The following CAPN5 variants were observed in gnomAD, a reference collection of about 807,000 sequenced individuals.
The protein encoded by CAPN5 is calpain-5.
In CAPN5, 54 loss-of-function variants were observed where a neutral mutation model predicts 73.0. That is an observed-to-expected ratio of 0.74 (90% confidence interval 0.59 to 0.93). The LOEUF is 0.93. Among genes scored for constraint, CAPN5 ranks in the 40% least tolerant of loss-of-function variants. The pLI, the probability that CAPN5 is intolerant of heterozygous loss-of-function variation, is 0.00. For missense variants in CAPN5, 785 were observed against 882.9 expected, an observed-to-expected ratio of 0.89 and a Z score of 1.41; for synonymous variants, 335 against 356.9, an observed-to-expected ratio of 0.94 and a Z score of 0.69.
At chr11:77,116,020 G>A (rs997355529) in intron 6 of CAPN5, among the ~76,000 whole-genome samples, 1 of 152,130 alleles carries the variant, frequency 6.6e-6, no homozygotes, top group South Asian at 2.1e-4. Flanking sequence ...CCCTGTCATG[G>A]TGGCAGCTCA....
At position 77,118,202 on chromosome 11, in the gene CAPN5, G is replaced by A. The variant is rs1950487072; in HGVS notation, c.1017G>A (p.Lys339=). 1.2e-6 allele frequency: 2 copies of A among 1,614,132 alleles called. No homozygotes were observed. The highest frequency in any genetic ancestry group is 2.2e-5 in the East Asian group (1 of 44,880). Residue 339 remains lysine (K), a synonymous_variant, in exon 8 of 13, where the codon AAG becomes AAA. Transcript: ENST00000648180. ...DVCRYFTDII[K]CRVINTSHLS... ...GCCGGTACTTCACGGACATCATCAA[G>A]TGCCGCGTGATCAACACATCCCACC... is the stretch of plus-strand genomic sequence containing the variant.
intron 2 of CAPN5, among the ~76,000 whole-genome samples, chr11:77,093,381 C>T (rs1404155831): frequency 6.6e-6 from 1 of 152,208 alleles, no homozygotes; most frequent in Non-Finnish European, 1.5e-5. Flanking sequence ...AAGGCAGTGC[C>T]CCGGGTCCAG....
chr11:77,120,472 C>CA (rs1950510486), intron 9 of CAPN5: 1 of 442,450 alleles, frequency 2.3e-6, no homozygotes, highest in African/African-American at 2.0e-5. Context: ...AACTGTAGAA[C>CA]ATTTTCATCT....
chr11:77,104,989 C>T (rs185291926), intron 3 of CAPN5, among the ~76,000 whole-genome samples: 4 of 152,148 alleles, frequency 2.6e-5, no homozygotes, highest in East Asian at 1.9e-4. Context: ...GGGCCCATTC[C>T]GGGACAGGCT....
intron 3 of CAPN5, among the ~76,000 whole-genome samples, chr11:77,094,352 A>C (rs1236815456): frequency 3.3e-5 from 5 of 151,360 alleles, no homozygotes; most frequent in African/African-American, 1.2e-4. Flanking sequence ...TGGTCCTGCA[A>C]CCCAACCTCC....
chr11:77,085,959 G>A (rs570144620), intron 2 of CAPN5, among the ~76,000 whole-genome samples: 73 of 152,312 alleles, frequency 4.8e-4, no homozygotes, highest in African/African-American at 9.9e-4. Context: ...TGTGACTCCC[G>A]CAGCCCAGTA....
rs1267747189 is a variant in CAPN5, at chr11:77,114,342, G to A, written c.607G>A (p.Asp203Asn). ...TGAGCCCATCGACCTGACCGAGGGT[G>A]ACTTTGCCAACGATGAGACTAAGAG... Reference protein sequence around the residue: ...VSEPIDLTEGDFANDETKRNQ... With the variant: ...VSEPIDLTEGNFANDETKRNQ... The change falls in exon 5 of 13, where the codon GAC (aspartate) becomes AAC (asparagine). Residue 203 changes from aspartate to asparagine, a missense_variant. By Grantham distance (23) the Asp-to-Asn change is conservative. Coordinates refer to ENST00000648180, the MANE Select transcript of CAPN5 (RefSeq NM_004055.5). 1 of 1,614,202 alleles carries A rather than the reference G, an allele frequency of 6.2e-7. No homozygotes were observed. The highest frequency in any genetic ancestry group is 1.7e-5 in the Admixed American group (1 of 60,026).
At chr11:77,117,465 C>T (rs1452593034) in intron 7 of CAPN5, among the ~76,000 whole-genome samples, 6 of 152,222 alleles carry the variant, frequency 3.9e-5, no homozygotes, top group Non-Finnish European at 7.3e-5. Flanking sequence ...ATGATGAACC[C>T]TTCTGCAGGT....
intron 3 of CAPN5, among the ~76,000 whole-genome samples, chr11:77,105,432 G>A (rs1398578102): frequency 1.3e-5 from 2 of 152,188 alleles, no homozygotes; most frequent in African/African-American, 2.4e-5. Flanking sequence ...CGTGTTGGGT[G>A]TGCAGAGAGC....
At chr11:77,101,428 G>T (rs926202299) in intron 3 of CAPN5, among the ~76,000 whole-genome samples, 1 of 152,180 alleles carries the variant, frequency 6.6e-6, no homozygotes, top group Admixed American at 6.5e-5. Context: ...AAAGCAAAAG[G>T]TTCTGTGAGG....
chr11:77,113,443 G>T (rs1292321814), intron 4 of CAPN5, among the ~76,000 whole-genome samples: 1 of 152,214 alleles, frequency 6.6e-6, no homozygotes, highest in African/African-American at 2.4e-5. Flanking sequence ...CCAGGAGGGA[G>T]GAGGGAGGAG....
At chr11:77,082,473 A>G (rs1950037367) in intron 1 of CAPN5, among the ~76,000 whole-genome samples, 1 of 152,232 alleles carries the variant, frequency 6.6e-6, no homozygotes, top group East Asian at 1.9e-4. Context: ...AGCAGAGGAG[A>G]CCTGACCCTG....
intron 3 of CAPN5, among the ~76,000 whole-genome samples, chr11:77,096,780 T>C (rs1278335797): frequency 6.6e-6 from 1 of 152,164 alleles, no homozygotes; most frequent in African/African-American, 2.4e-5. Flanking sequence ...GAGCCGGGCC[T>C]GGGCCCAGGA....
rs1950489459 is a variant in CAPN5 at position 77,118,372 on chromosome 11, C to T, written c.1167+20C>T. 3 of 1,545,276 alleles carry T rather than the reference C, an allele frequency of 1.9e-6. No homozygotes were observed. The highest frequency in any genetic ancestry group is 8.8e-7 in the Non-Finnish European group (1 of 1,142,358). ...CCACAGGTGGGCGTTCTCAGGAACC[C>T]CCACCCTGCCCTGTAGCAGCTGCGG... is the stretch of plus-strand genomic sequence containing the variant. On this transcript the variant is annotated intron_variant, in intron 8 of 12. Coordinates refer to ENST00000648180, the MANE Select transcript of CAPN5 (RefSeq NM_004055.5).
At chr11:77,102,794 C>G in intron 3 of CAPN5, 1 of 1,499,534 alleles carries the variant, frequency 6.7e-7, no homozygotes, top group African/African-American at 1.4e-5. Context: ...GCCCCAGGCT[C>G]CAGCCCACTT....
intron 3 of CAPN5, 27 bp downstream of exon 3, chr11:77,093,840 G>T (rs782109454): frequency 3.7e-6 from 6 of 1,602,384 alleles, no homozygotes; most frequent in Middle Eastern, 3.4e-4. Context: ...AGTGGGCAGG[G>T]TGCTGGGGAG....
At chr11:77,097,081 G>A (rs1365183666) in intron 3 of CAPN5, among the ~76,000 whole-genome samples, 1 of 152,150 alleles carries the variant, frequency 6.6e-6, no homozygotes, top group South Asian at 2.1e-4. Context: ...AATTAGCCAG[G>A]CGTGGTGGTG....
At position 77,119,092 on chromosome 11, in the gene CAPN5, G is replaced by A. The variant is rs377413339; in HGVS notation, c.1230G>A (p.Lys410=). The A allele has an allele frequency of 2.5e-6, 4 of 1,613,974 alleles. No homozygotes were observed. The African/African-American group carries it at 5.3e-5, about 22-fold the overall frequency. Residue 410 remains lysine (K), a synonymous_variant, in exon 9 of 13, where the codon AAG becomes AAA. Coordinates refer to ENST00000648180, the MANE Select transcript of CAPN5 (RefSeq NM_004055.5). ...TGATCTGCATCCAGCAGCGGCCAAA[G>A]CGGTCTACGCGCCGGGAGGGCAAGG... The part of the protein sequence containing the change: ...EVLICIQQRP[K]RSTRREGKGE...
At chr11:77,068,773 G>A (rs2135401098) in intron 1 of CAPN5, among the ~76,000 whole-genome samples, 1 of 152,248 alleles carries the variant, frequency 6.6e-6, no homozygotes, top group African/African-American at 2.4e-5. Flanking sequence ...AGGGGTGCTG[G>A]GGGCAGGAGG....
Sources: allele counts gnomAD v4.1 joint callset (sites outside exome capture counted in the v4.1 genomes callset), GRCh38; gene constraint gnomAD v4.1.1; transcripts MANE v1.5; gene names NCBI Gene and HGNC (gene_info 2026-07-23, HGNC 2026-07-21).